Variants in SMO observed in about 807,000 individuals in gnomAD.
The protein encoded by SMO is protein smoothened.
A neutral mutation model predicts 81.6 loss-of-function variants in SMO; 40 were observed. The ratio of observed to expected loss-of-function variants is 0.49; its 90% CI spans 0.38 to 0.64. SMO has a LOEUF of 0.64. Among genes scored for constraint, SMO ranks in the 30% least tolerant of loss-of-function variants. The pLI, the probability that SMO is intolerant of heterozygous loss-of-function variation, is 0.00. For missense variants in SMO, 916 were observed against 1,061.1 expected (o/e 0.86, Z 1.90); for synonymous variants, 434 against 432.1 (o/e 1.00, Z -0.05).
intron 7 of SMO, 151 bp downstream of exon 7, chr7:129,209,002 G>A: frequency 1.6e-6 from 1 of 638,256 alleles, no homozygotes; most frequent in Non-Finnish European, 2.8e-6. Flanking sequence ...GGTAGTGGTA[G>A]TGGCAGCTCA....
intron 2 of SMO, 27 bp from the exon 3 acceptor site, chr7:129,205,176 A>G (rs1426636476): frequency 5.6e-6 from 9 of 1,606,954 alleles, no homozygotes; most frequent in East Asian, 2.2e-5. Context: ...CTGCCTTGAC[A>G]CCGTCTTTTC....
chr7:129,209,222 C>T (rs1308204478), intron 7 of SMO, 67 bp from the exon 8 acceptor site: 4 of 943,796 alleles, frequency 4.2e-6, no homozygotes, highest in Admixed American at 1.8e-5. Flanking sequence ...GGGGCAGACT[C>T]TCTCCTCCCC....
At chr7:129,197,396 A>G (rs999078635) in intron 1 of SMO, among the ~76,000 whole-genome samples, 6 of 152,142 alleles carry the variant, frequency 3.9e-5, no homozygotes, top group African/African-American at 1.4e-4. Context: ...AAATTTGCCA[A>G]TTATTCTTTT....
intron 1 of SMO, among the ~76,000 whole-genome samples, chr7:129,196,115 G>C (rs1353733911): frequency 7.1e-6 from 1 of 140,172 alleles, no homozygotes; most frequent in African/African-American, 2.7e-5. Flanking sequence ...AAAAAAAAAA[G>C]AAAAGAAAAA....
rs1793910773 is a variant in SMO at position 129,213,312 on chromosome 7, T to C, written c.*861T>C. 1 of 232,982 alleles carries C rather than the reference T, an allele frequency of 4.3e-6. No individual in the cohort carries two copies. Among genetic ancestry groups the C allele is most frequent in the Non-Finnish European group, 8.5e-6 (1 of 117,944 alleles). 14.4% of individuals were successfully genotyped at this position (232,982 alleles called of 1,614,324 possible). ...TTCCTCACACCCATTTAGTGGGGGA[T>C]GGGTCCTCTAGACTTGAGGGGCTAC... On this transcript the variant is annotated 3_prime_UTR_variant, in exon 12 of 12. Transcript: ENST00000249373.
rs769334511 is a variant in SMO at position 129,206,215 on chromosome 7, T to G, written c.986T>G (p.Val329Gly). ...VIVYYALMAG[V>G]VWFVVLTYAW... The stretch of plus-strand genomic sequence containing the variant: ...GTGTACTACGCCCTGATGGCTGGTG[T>G]GGTTTGGTTTGTGGTCCTCACCTAT... Residue 329 changes from valine (V) to glycine (G), a missense_variant, in exon 5 of 12, where the codon GTG (valine) becomes GGG (glycine). This residue lies in a region of SMO where 436 missense variants were observed against 570.9 expected (regional missense o/e 0.76). Transcript: ENST00000249373. The surrounding 1 kb of genome is among the most constrained non-coding windows in gnomAD (Gnocchi z 4.4). 5.0e-6 allele frequency: 8 copies of G among 1,613,944 alleles called. No individual in the cohort carries two copies. In the Admixed American group the frequency reaches 6.7e-5, roughly 13 times the overall value.
chr7:129,199,593 A>T (rs530796975), intron 1 of SMO, among the ~76,000 whole-genome samples: 36 of 152,188 alleles, frequency 2.4e-4, no homozygotes, highest in African/African-American at 7.2e-4. Flanking sequence ...AAAATTCACC[A>T]GGTGTGGTGG....
chr7:129,209,104 A>G, intron 7 of SMO, 185 bp from the exon 8 acceptor site: 4 of 610,422 alleles, frequency 6.6e-6, no homozygotes, highest in Non-Finnish European at 1.2e-5. Context: ...GGTCCCTCCC[A>G]CAGTTGCTTC....
chr7:129,212,404 A>C lies in SMO; in HGVS notation c.2317A>C (p.Thr773Pro). 1 of 1,613,904 alleles carries C rather than the reference A, an allele frequency of 6.2e-7. No individual in the cohort carries two copies. The highest frequency in any genetic ancestry group is 8.5e-7 in the Non-Finnish European group (1 of 1,180,012). ...GGGCCTGGGGCCTATTCACTCCCGC[A>C]CCAACCTGATGGACACAGAACTCAT... is the stretch of plus-strand genomic sequence containing the variant. ...RQGLGPIHSRTNLMDTELMDA... is the reference protein window; with the variant it reads ...RQGLGPIHSRPNLMDTELMDA... Residue 773 changes from threonine (T) to proline (P), a missense_variant, in exon 12 of 12, where the codon ACC becomes CCC. Physicochemically the swap from Thr to Pro is conservative, Grantham distance 38. This residue lies in a region of SMO where 324 missense variants were observed against 312.9 expected (regional missense o/e 1.04). Transcript: ENST00000249373. This position sits in a 1 kb window ranked among gnomAD's most constrained non-coding sequence, Gnocchi z 5.0.
At chr7:129,191,089 A>G (rs1372613849) in intron 1 of SMO, among the ~76,000 whole-genome samples, 3 of 152,210 alleles carry the variant, frequency 2.0e-5, no homozygotes, top group Non-Finnish European at 2.9e-5. Context: ...ATCTCTCAGC[A>G]CTAGAATCTC....
At chr7:129,196,103 A>C (rs1793574186) in intron 1 of SMO, among the ~76,000 whole-genome samples, 1 of 150,788 alleles carries the variant, frequency 6.6e-6, no homozygotes, top group African/African-American at 2.4e-5. Context: ...TCCCTCTCAA[A>C]AAAAAAAAAA....
At position 129,211,662 on chromosome 7, in the gene SMO, C is replaced by T. The variant is rs1299372923; in HGVS notation, c.1828C>T (p.Pro610Ser). ...GGGCTTGGCCTTTGACCTCAATGAG[C>T]CCTCAGCTGATGTCTCCTCTGCCTG... ...VAGLAFDLNEPSADVSSAWAQ... is the reference protein window; with the variant it reads ...VAGLAFDLNESSADVSSAWAQ... The change falls in exon 11 of 12, where the codon CCC (proline) becomes TCC (serine). Residue 610 changes from proline (P) to serine (S), a missense_variant. By Grantham distance (74) the Pro-to-Ser change is moderately conservative. Transcript: ENST00000249373. This position sits in a 1 kb window ranked among gnomAD's most constrained non-coding sequence, Gnocchi z 4.6. The T allele has an allele frequency of 6.2e-7, 1 of 1,613,220 alleles. No individual in the cohort carries two copies. Among genetic ancestry groups the T allele is most frequent in the Non-Finnish European group, 8.5e-7 (1 of 1,179,974 alleles).
rs1793768630 is a variant in SMO at position 129,206,523 on chromosome 7, T to A, written c.1200T>A (p.Arg400=). Residue 400 remains arginine, a synonymous_variant, in exon 6 of 12, where the codon CGT becomes CGA. Transcript: ENST00000249373. This position sits in a 1 kb window ranked among gnomAD's most constrained non-coding sequence, Gnocchi z 4.4. ...TGGGCTACAAGAACTACCGATACCGTGCGGGCTTCGTGCTGGCCCCAATCG... is the reference window on the plus strand; with the variant it reads ...TGGGCTACAAGAACTACCGATACCGAGCGGGCTTCGTGCTGGCCCCAATCG... ...CFVGYKNYRY[R]AGFVLAPIGL... 1 of 1,614,028 alleles carries A rather than the reference T, an allele frequency of 6.2e-7. No individual in the cohort carries two copies. Among genetic ancestry groups the A allele is most frequent in the African/African-American group, 1.3e-5 (1 of 74,904 alleles).
rs754032960 is a variant in SMO at position 129,211,437 on chromosome 7, C to T, written c.1802-199C>T. On this transcript the variant is annotated intron_variant, in intron 10 of 11. Coordinates refer to ENST00000249373, the MANE Select transcript of SMO (RefSeq NM_005631.5). This position sits in a 1 kb window ranked among gnomAD's most constrained non-coding sequence, Gnocchi z 4.6. ...GTTCCAAGAACTGGATTTCTGGCCT[C>T]CAGTTAGGCCCTTTGGGGACGTGAG... 1.4e-6 allele frequency: 1 copy of T among 730,066 alleles called. No homozygotes were observed. Among genetic ancestry groups the T allele is most frequent in the South Asian group, 1.5e-5 (1 of 67,516 alleles). The allele number at this position is 730,066 out of a possible 1,614,324, so 45.2% of individuals were successfully genotyped here.
chr7:129,193,785 A>AAAATAT (rs1563145734), intron 1 of SMO, among the ~76,000 whole-genome samples: 6 of 26,352 alleles, frequency 2.3e-4, no homozygotes, highest in African/African-American at 3.4e-4. Context: ...AAAAAAAAAA[A>AAAATAT]ATATATATAT....
chr7:129,204,404 G>A (rs1314831522), intron 2 of SMO, among the ~76,000 whole-genome samples: 2 of 152,170 alleles, frequency 1.3e-5, no homozygotes, highest in Non-Finnish European at 2.9e-5. Context: ...CACTTTGGAA[G>A]GCTGAGGCGG....
chr7:129,204,784 G>A (rs1330416139), intron 2 of SMO, among the ~76,000 whole-genome samples: 10 of 152,150 alleles, frequency 6.6e-5, no homozygotes, highest in African/African-American at 2.4e-4. Flanking sequence ...TTGGGAGGCC[G>A]AGGTGGGTGG....
chr7:129,206,701 T>C lies in SMO; in HGVS notation c.1264+114T>C, dbSNP rs1215493475. The C allele has an allele frequency of 2.8e-6, 3 of 1,055,444 alleles. No individual in the cohort carries two copies. The highest frequency in any genetic ancestry group is 4.0e-6 in the Non-Finnish European group (3 of 746,138). The allele number at this position is 1,055,444 out of a possible 1,614,324, so 65.4% of individuals were successfully genotyped here. On this transcript the variant is annotated intron_variant, in intron 6 of 11. Coordinates refer to ENST00000249373, the MANE Select transcript of SMO (RefSeq NM_005631.5). This position sits in a 1 kb window ranked among gnomAD's most constrained non-coding sequence, Gnocchi z 4.4. The stretch of plus-strand genomic sequence containing the variant: ...CCATGCTGAAACCCCAGCTAGCTCC[T>C]ATAGGGCCTTCACACAGTAGAAGGT...
chr7:129,204,612 C>T (rs1261951704), intron 2 of SMO, among the ~76,000 whole-genome samples: 1 of 152,130 alleles, frequency 6.6e-6, no homozygotes, highest in Non-Finnish European at 1.5e-5. Context: ...TGCCATTGCA[C>T]TGCAGCCTGG....
Sources: allele counts gnomAD v4.1 joint callset (sites outside exome capture counted in the v4.1 genomes callset), GRCh38; gene constraint gnomAD v4.1.1; regional missense constraint gnomAD v4.1.1; non-coding constraint Gnocchi (gnomAD v3.1); transcripts MANE v1.5; gene names NCBI Gene and HGNC (gene_info 2026-07-23, HGNC 2026-07-21).